Variants in MAN2B2 observed in about 807,000 individuals in gnomAD.
The protein encoded by MAN2B2 is mannosidase alpha class 2B member 2.
MAN2B2 carries 106 observed loss-of-function variants against 117.1 expected under a neutral mutation model. That is an observed-to-expected ratio of 0.90 (90% confidence interval 0.77 to 1.06). The LOEUF is 1.06. Among genes scored for constraint, MAN2B2 ranks in the 50% least tolerant of loss-of-function variants. The pLI is 0.00. For missense variants in MAN2B2, 1,326 were observed against 1,381.4 expected (o/e 0.96, Z 0.64); for synonymous variants, 544 against 595.1 (o/e 0.91, Z 1.25).
intron 17 of MAN2B2, 30 bp from the exon 18 acceptor site, chr4:6,619,897 C>T (rs368303489): frequency 6.3e-7 from 1 of 1,589,514 alleles, no homozygotes. Flanking sequence ...CTTGGTGCAG[C>T]TCACTCTCCC....
intron 18 of MAN2B2, chr4:6,620,908 TG>T (rs2108763015): frequency 2.4e-6 from 1 of 420,250 alleles, no homozygotes; most frequent in East Asian, 4.2e-5. Flanking sequence ...GACCAACCTA[TG>T]AATTGCCCTC....
In MAN2B2 at chr4:6,609,150, T is replaced by A; in HGVS notation, c.1858T>A (p.Tyr620Asn). 17 of 1,614,064 alleles carry A rather than the reference T, an allele frequency of 1.1e-5. No homozygotes were observed. Among genetic ancestry groups the A allele is most frequent in the Non-Finnish European group, 1.4e-5 (17 of 1,179,994 alleles). Residue 620 changes from tyrosine (Y) to asparagine (N), a missense_variant, in exon 12 of 19, where the codon TAC (tyrosine) becomes AAC (asparagine). Transcript: ENST00000285599. Reference protein sequence around the residue: ...TVRVTQEFLEYHVNGDVKQGP... With the variant: ...TVRVTQEFLENHVNGDVKQGP... The stretch of plus-strand genomic sequence containing the variant: ...GCGCGTGACCCAGGAATTCCTGGAG[T>A]ACCACGTCAACGGGGATGTGAAACA...
chr4:6,577,510 C>T (rs748563842), intron 2 of MAN2B2, among the ~76,000 whole-genome samples: 1 of 152,190 alleles, frequency 6.6e-6, no homozygotes, highest in Non-Finnish European at 1.5e-5. Flanking sequence ...GGGAAGGAGC[C>T]GGACATCCAA....
chr4:6,577,349 C>T (rs750049626), intron 2 of MAN2B2, among the ~76,000 whole-genome samples: 5 of 152,160 alleles, frequency 3.3e-5, no homozygotes, highest in Admixed American at 6.5e-5. Context: ...GCACCCAGGA[C>T]GATACTCGGG....
Position 6,609,197 on chromosome 4 carries a change from C to T in MAN2B2, c.1905C>T (p.Tyr635=). 1 of 1,614,244 alleles carries T rather than the reference C, an allele frequency of 6.2e-7. No homozygotes were observed. The highest frequency in any genetic ancestry group is 8.5e-7 in the Non-Finnish European group (1 of 1,180,042). ...AACAGGGCCCCATTTCCGATAACTA[C>T]CTGTTCACACCGGGCAAGGCCGCGG... ...DVKQGPISDN[Y]LFTPGKAAVP... is the part of the protein sequence containing the mutation. Residue 635 remains tyrosine, a synonymous_variant, in exon 12 of 19, where the codon TAC becomes TAT. Coordinates refer to ENST00000285599, the MANE Select transcript of MAN2B2 (RefSeq NM_015274.3).
chr4:6,589,994 G>T (rs541380616), intron 5 of MAN2B2, among the ~76,000 whole-genome samples: 27 of 152,152 alleles, frequency 1.8e-4, no homozygotes, highest in African/African-American at 5.5e-4. Flanking sequence ...CTGAATCCAG[G>T]AGTTGGAGGC....
In MAN2B2 at chr4:6,610,032, G is replaced by T; in HGVS notation, c.2241G>T (p.Val747=). 6.2e-7 allele frequency: 1 copy of T among 1,614,130 alleles called. No homozygotes were observed. The highest frequency in any genetic ancestry group is 1.1e-5 in the South Asian group (1 of 91,084). ...QMQRRPYVSY[V]NNSIARNYYP... Reference sequence around the variant, plus strand: ...AGCGGAGGCCCTACGTTTCCTATGTGAACAACAGCATCGCCCGGGTATGTC... The same window carrying T: ...AGCGGAGGCCCTACGTTTCCTATGTTAACAACAGCATCGCCCGGGTATGTC... Residue 747 remains valine, a synonymous_variant, in exon 13 of 19, where the codon GTG becomes GTT. Coordinates refer to ENST00000285599, the MANE Select transcript of MAN2B2 (RefSeq NM_015274.3).
rs199880601 is a variant in MAN2B2, at chr4:6,581,080, A to AT, written c.391+2591dup. Among the ~76,000 whole-genome samples, 71 of 151,456 alleles carry AT rather than the reference A, an allele frequency of 4.7e-4. 1 individual carries two copies. The East Asian group carries it at 0.011, about 24-fold the overall frequency. On this transcript the variant is annotated intron_variant, in intron 3 of 18. Coordinates refer to ENST00000285599, the MANE Select transcript of MAN2B2 (RefSeq NM_015274.3). ...TGTTCTAGGTACAAGATGTACACGT[A>AT]TTTTTTTTTCAGTCCTCAGGGCAAT...
Position 6,621,536 on chromosome 4 carries a change from G to C in MAN2B2, c.*251G>C, listed in dbSNP as rs886769457. 1 of 451,858 alleles carries C rather than the reference G, an allele frequency of 2.2e-6. No homozygotes were observed. Among genetic ancestry groups the C allele is most frequent in the African/African-American group, 2.0e-5 (1 of 50,746 alleles). The allele number at this position is 451,858 out of a possible 1,614,324, so 28.0% of individuals were successfully genotyped here. A position where few individuals can be genotyped will look rare whatever the true frequency, so the allele number is the denominator to read the frequency against. On this transcript the variant is annotated 3_prime_UTR_variant, in exon 19 of 19. Coordinates refer to ENST00000285599, the MANE Select transcript of MAN2B2 (RefSeq NM_015274.3). The stretch of plus-strand genomic sequence containing the variant: ...GCCCTCTCCTCTTCTGTCACGTAAA[G>C]GATATTTGGCACACTCATGCGTCAT...
At chr4:6,618,428 G>A (rs2108761256) in intron 17 of MAN2B2, 1 of 152,348 alleles carries the variant, frequency 6.6e-6, no homozygotes, top group East Asian at 1.9e-4. Context: ...CCCTCTACGG[G>A]GGCATCTCCG....
chr4:6,616,067 G>A (rs1577297316), intron 16 of MAN2B2, among the ~76,000 whole-genome samples: 1 of 152,280 alleles, frequency 6.6e-6, no homozygotes, highest in East Asian at 1.9e-4. Flanking sequence ...GCCTCCCAAA[G>A]TGCTGCGATT....
intron 10 of MAN2B2, among the ~76,000 whole-genome samples, 191 bp downstream of exon 10, chr4:6,600,947 C>A (rs1216773988): frequency 6.6e-6 from 1 of 152,150 alleles, no homozygotes; most frequent in Admixed American, 6.5e-5. Context: ...TTTTCTGACA[C>A]CAACTGAGTG....
intron 6 of MAN2B2, among the ~76,000 whole-genome samples, chr4:6,593,699 T>C (rs1726952794): frequency 6.6e-6 from 1 of 152,242 alleles, no homozygotes; most frequent in Non-Finnish European, 1.5e-5. Flanking sequence ...CTTCATAGGC[T>C]TGGTGAGAGG....
chr4:6,613,082 T>G (rs1189411917), intron 15 of MAN2B2, among the ~76,000 whole-genome samples: 3 of 152,190 alleles, frequency 2.0e-5, no homozygotes, highest in African/African-American at 7.2e-5. Flanking sequence ...CAGTTCCAAG[T>G]GCAAAAGTCC....
intron 17 of MAN2B2, 118 bp downstream of exon 17, chr4:6,617,610 A>G (rs1223176508): frequency 1.3e-6 from 2 of 1,540,928 alleles, no homozygotes; most frequent in South Asian, 1.2e-5. Flanking sequence ...GGACGCTGGT[A>G]TGGGCCCCAC....
chr4:6,599,960 C>A (rs1425747084), intron 9 of MAN2B2, among the ~76,000 whole-genome samples: 1 of 152,166 alleles, frequency 6.6e-6, no homozygotes, highest in Non-Finnish European at 1.5e-5. Flanking sequence ...AATGAACACA[C>A]AGGAGAGGCT....
chr4:6,599,758 A>T (rs1203838370), intron 9 of MAN2B2, among the ~76,000 whole-genome samples: 1 of 150,356 alleles, frequency 6.7e-6, no homozygotes, highest in Non-Finnish European at 1.5e-5. Context: ...TGGCCTGCCC[A>T]CTGCCCTAGC....
chr4:6,603,137 G>T (rs1040201329), intron 10 of MAN2B2, among the ~76,000 whole-genome samples: 8 of 152,310 alleles, frequency 5.3e-5, no homozygotes, highest in South Asian at 4.1e-4. Context: ...TCTTAAAGGG[G>T]TGCTTTAATG....
intron 15 of MAN2B2, among the ~76,000 whole-genome samples, chr4:6,613,066 A>T (rs73798303): frequency 3.9e-5 from 6 of 152,322 alleles, no homozygotes; most frequent in African/African-American, 1.4e-4. Flanking sequence ...TAAGACTTGG[A>T]CTTTCCAGTT....
Sources: allele counts gnomAD v4.1 joint callset (sites outside exome capture counted in the v4.1 genomes callset), GRCh38; gene constraint gnomAD v4.1.1; transcripts MANE v1.5; gene names NCBI Gene and HGNC (gene_info 2026-07-23, HGNC 2026-07-21).